The following PARD3 variants were observed in gnomAD, a reference collection of about 807,000 sequenced individuals.
PARD3 encodes par-3 family cell polarity regulator, also known as partitioning defective 3 homolog.
In PARD3, 75 loss-of-function variants were observed where a neutral mutation model predicts 155.4. That is an observed-to-expected ratio of 0.48 (90% CI 0.40 to 0.58). The LOEUF (loss-of-function observed/expected upper bound fraction) is 0.58. PARD3 is among the 20% of genes least tolerant of loss of function. The probability of loss-of-function intolerance (pLI) is 0.00; values close to 1 mark genes in which losing one functional copy is unlikely to be tolerated. For missense variants in PARD3, 1,642 were observed against 1,721.7 expected (o/e 0.95, Z 0.82); for synonymous variants, 576 against 610.5 (o/e 0.94, Z 0.83).
At chr10:34,498,291 T>A (rs1322856659) in intron 3 of PARD3, among the ~76,000 whole-genome samples, 1 of 152,188 alleles carries the variant, frequency 6.6e-6, no homozygotes, top group Non-Finnish European at 1.5e-5. Flanking sequence ...GATGCATAAG[T>A]GTGGTATGTA....
intron 1 of PARD3, among the ~76,000 whole-genome samples, chr10:34,793,436 C>G (rs901038567): frequency 6.6e-6 from 1 of 152,200 alleles, no homozygotes. Flanking sequence ...GAAAACCACA[C>G]AGAACCCATG....
chr10:34,633,621 G>A (rs188601406), intron 2 of PARD3, among the ~76,000 whole-genome samples: 19 of 152,252 alleles, frequency 1.2e-4, no homozygotes, highest in East Asian at 1.9e-4. Flanking sequence ...TACAGTGAAC[G>A]GCGCTGCAAC....
At chr10:34,312,228 G>A in intron 20 of PARD3, 1 of 1,556,916 alleles carries the variant, frequency 6.4e-7, no homozygotes. Context: ...AACTGCTGAT[G>A]TCGTAAACAA....
intron 3 of PARD3, among the ~76,000 whole-genome samples, chr10:34,495,915 G>C (rs1267923390): frequency 2.0e-5 from 3 of 151,962 alleles, no homozygotes; most frequent in African/African-American, 7.2e-5. Context: ...AACCAATAAA[G>C]GAAGAGGCTA....
At chr10:34,232,279 T>A (rs1334270438) in intron 22 of PARD3, among the ~76,000 whole-genome samples, 1 of 152,104 alleles carries the variant, frequency 6.6e-6, no homozygotes, top group Admixed American at 6.5e-5. Flanking sequence ...TGCAATTTTA[T>A]GACCCTATCT....
intron 22 of PARD3, among the ~76,000 whole-genome samples, chr10:34,247,335 C>G (rs564909204): frequency 3.9e-5 from 6 of 152,186 alleles, no homozygotes; most frequent in African/African-American, 1.2e-4. Flanking sequence ...AACCTCATCT[C>G]TACTAAAAAT....
At chr10:34,702,805 T>C (rs1422923336) in intron 1 of PARD3, among the ~76,000 whole-genome samples, 3 of 152,180 alleles carry the variant, frequency 2.0e-5, no homozygotes, top group Admixed American at 6.5e-5. Context: ...CTGAACTCAG[T>C]GCTCTCAAGT....
At chr10:34,413,142 T>TACACACACACACAC (rs1336586740) in intron 5 of PARD3, among the ~76,000 whole-genome samples, 46 of 132,542 alleles carry the variant, frequency 3.5e-4, no homozygotes, top group African/African-American at 1.2e-3. Context: ...TTCAGATATA[T>TACACACACACACAC]ATACACACAC....
chr10:34,144,956 C>T (rs1041832823), intron 22 of PARD3, among the ~76,000 whole-genome samples: 5 of 151,876 alleles, frequency 3.3e-5, no homozygotes, highest in South Asian at 2.1e-4. Flanking sequence ...AGCACACATT[C>T]GGTGGCTGCC....
chr10:34,459,152 G>A (rs373304828), intron 4 of PARD3, among the ~76,000 whole-genome samples: 1 of 151,918 alleles, frequency 6.6e-6, no homozygotes, highest in Non-Finnish European at 1.5e-5. Flanking sequence ...CAAGAAATAC[G>A]CAACAACATT....
intron 1 of PARD3, among the ~76,000 whole-genome samples, chr10:34,734,085 A>G (rs1307226637): frequency 6.6e-6 from 1 of 152,058 alleles, no homozygotes; most frequent in African/African-American, 2.4e-5. Context: ...TATGGTTTTA[A>G]TGTTTCCTAA....
At chr10:34,548,592 T>C (rs1175410120) in intron 2 of PARD3, among the ~76,000 whole-genome samples, 2 of 152,080 alleles carry the variant, frequency 1.3e-5, no homozygotes, top group Admixed American at 1.3e-4. Context: ...TGCAATTAAC[T>C]ACCAGCTGGC....
chr10:34,439,003 G>A (rs946829471), intron 5 of PARD3, among the ~76,000 whole-genome samples: 2 of 152,150 alleles, frequency 1.3e-5, no homozygotes, highest in African/African-American at 4.8e-5. Flanking sequence ...AGTTCTAGAA[G>A]AGAGAGAGAA....
intron 20 of PARD3, among the ~76,000 whole-genome samples, chr10:34,295,046 C>T (rs1956844383): frequency 6.6e-6 from 1 of 151,894 alleles, no homozygotes; most frequent in Non-Finnish European, 1.5e-5. Flanking sequence ...CACAAAAACT[C>T]AAAAATTAAA....
At chr10:34,186,899 T>C (rs1271808688) in intron 22 of PARD3, among the ~76,000 whole-genome samples, 3 of 152,198 alleles carry the variant, frequency 2.0e-5, no homozygotes, top group Admixed American at 6.5e-5. Flanking sequence ...TGGTCTTCCC[T>C]GTAGAGCTAG....
At chr10:34,304,046 C>G (rs914043253) in intron 20 of PARD3, among the ~76,000 whole-genome samples, 5 of 151,950 alleles carry the variant, frequency 3.3e-5, no homozygotes, top group African/African-American at 1.2e-4. Context: ...AGGAAGAGAG[C>G]CGGAGGAAAG....
intron 1 of PARD3, among the ~76,000 whole-genome samples, chr10:34,736,653 A>G (rs28732374): frequency 3.4e-5 from 5 of 146,246 alleles, no homozygotes; most frequent in Admixed American, 3.4e-4. Context: ...TTAATTAATT[A>G]ATTTATTTAT....
chr10:34,610,728 T>C (rs1176442564), intron 2 of PARD3, among the ~76,000 whole-genome samples: 1 of 152,240 alleles, frequency 6.6e-6, no homozygotes, highest in Non-Finnish European at 1.5e-5. Flanking sequence ...TTATTGTTTC[T>C]GAGCAAAATT....
In PARD3 at chr10:34,681,730, T is replaced by A. The variant is rs866642589; in HGVS notation, c.222+14588A>T. Among the ~76,000 whole-genome samples, 135 of 29,980 alleles carry A rather than the reference T, an allele frequency of 4.5e-3. 2 individuals are homozygous for A. Among genetic ancestry groups the A allele is most frequent in the African/African-American group, 1.0e-2 (95 of 9,532 alleles). The allele number at this position is 29,980 out of a possible 152,430, so 19.7% of individuals were successfully genotyped here. On this transcript the variant is annotated intron_variant, in intron 2 of 24. Coordinates refer to ENST00000374788, the MANE Select transcript of PARD3 (RefSeq NM_001184785.2). ...TATATATGTATTTTACGTATGTATT[T>A]TATATATATATATATATATATATAT... is the stretch of plus-strand genomic sequence containing the variant.
Sources: gnomAD v4.1 joint callset for allele counts (sites outside exome capture counted in the v4.1 genomes callset) on GRCh38, gnomAD v4.1.1 for gene constraint, MANE v1.5 for transcripts, NCBI Gene and HGNC (gene_info 2026-07-23, HGNC 2026-07-21) for gene names.